Variants in RSF1 observed in about 807,000 individuals in gnomAD.
The protein encoded by RSF1 is HBV pX-associated protein 8.
RSF1 carries 13 observed loss-of-function variants against 145.2 expected under a neutral mutation model. The ratio of observed to expected loss-of-function variants is 0.09; its 90% CI spans 0.06 to 0.14. The LOEUF is 0.14. RSF1 is among the 10% of genes least tolerant of loss of function. The probability of loss-of-function intolerance (pLI) is 1.00; values close to 1 mark genes in which losing one functional copy is unlikely to be tolerated. For missense variants in RSF1, 1,517 were observed against 1,718.2 expected (o/e 0.88, Z 2.07); for synonymous variants, 577 against 592.6 (o/e 0.97, Z 0.38).
chr11:77,775,806 T>C (rs1230676587), intron 1 of RSF1, among the ~76,000 whole-genome samples: 1 of 152,134 alleles, frequency 6.6e-6, no homozygotes, highest in African/African-American at 2.4e-5. Context: ...TCTTGCTCTG[T>C]TGTCTAGGCT....
the RSF1 span, among the ~76,000 whole-genome samples, chr11:77,826,870 C>T: frequency 1.1e-4 from 16 of 152,104 alleles, no homozygotes; most frequent in Non-Finnish European, 1.5e-5. Context: ...TTTGAGAGGC[C>T]GAGGTGGGCA....
intron 6 of RSF1, among the ~76,000 whole-genome samples, chr11:77,699,941 C>T (rs985701837): frequency 3.3e-5 from 5 of 152,086 alleles, no homozygotes; most frequent in Non-Finnish European, 7.4e-5. Context: ...ACTATATCTA[C>T]GGACATGAAG....
At chr11:77,787,887 T>C (rs60738557) in intron 1 of RSF1, among the ~76,000 whole-genome samples, 3,800 of 147,830 alleles carry the variant, frequency 0.026, 146 homozygotes, top group African/African-American at 0.09. Context: ...CCCAGCACTA[T>C]GGGAGGCCTA....
At chr11:77,749,614 G>C (rs968964950) in intron 2 of RSF1, among the ~76,000 whole-genome samples, 2 of 152,052 alleles carry the variant, frequency 1.3e-5, no homozygotes, top group Admixed American at 6.6e-5. Flanking sequence ...GTGTAAAAGG[G>C]GAGGATAAAA....
intron 4 of RSF1, among the ~76,000 whole-genome samples, chr11:77,728,193 C>A (rs1343769613): frequency 6.6e-6 from 1 of 152,196 alleles, no homozygotes; most frequent in Non-Finnish European, 1.5e-5. Flanking sequence ...TGACTGACTG[C>A]ACTTCTGCTC....
rs193031567 is a variant in RSF1 at position 77,673,516 on chromosome 11, G to C, written c.3563-1286C>G. Among the ~76,000 whole-genome samples the C allele has an allele frequency of 2.2e-3, 337 of 152,302 alleles. 2 individuals are homozygous for C. Among genetic ancestry groups the C allele is most frequent in the African/African-American group, 7.9e-3 (329 of 41,572 alleles). Reference sequence around the variant, plus strand: ...GAGCCTAAATAGTGATGGGAATGTAGTATATCCACTGATCAGAATAAGAAT... The same window carrying C: ...GAGCCTAAATAGTGATGGGAATGTACTATATCCACTGATCAGAATAAGAAT... On this transcript the variant is annotated intron_variant, in intron 14 of 15. Coordinates refer to ENST00000308488, the MANE Select transcript of RSF1 (RefSeq NM_016578.4).
intron 1 of RSF1, among the ~76,000 whole-genome samples, chr11:77,778,583 G>A (rs546428537): frequency 2.4e-4 from 37 of 152,248 alleles, no homozygotes; most frequent in African/African-American, 7.9e-4. Flanking sequence ...TTGCACTCAA[G>A]TGATCTTCCT....
chr11:77,744,015 CTTTA>C (rs996270933), intron 3 of RSF1, among the ~76,000 whole-genome samples: 2 of 151,990 alleles, frequency 1.3e-5, no homozygotes, highest in Admixed American at 6.6e-5. Context: ...AGCATCACAA[CTTTA>C]TTTAGTTAAT....
At chr11:77,795,356 T>C (rs953492612) in intron 1 of RSF1, among the ~76,000 whole-genome samples, 1 of 151,986 alleles carries the variant, frequency 6.6e-6, no homozygotes, top group Non-Finnish European at 1.5e-5. Context: ...TGAAATCACA[T>C]GAAACAAACA....
chr11:77,784,293 A>G (rs1322739899), intron 1 of RSF1, among the ~76,000 whole-genome samples: 1 of 152,212 alleles, frequency 6.6e-6, no homozygotes, highest in Non-Finnish European at 1.5e-5. Context: ...AATGCCTTTC[A>G]GTAATTTATT....
At chr11:77,744,468 A>G (rs1448395471) in intron 3 of RSF1, among the ~76,000 whole-genome samples, 2 of 152,098 alleles carry the variant, frequency 1.3e-5, no homozygotes, top group African/African-American at 4.8e-5. Context: ...CCAGCTAGCT[A>G]GCTTTTTAAA....
chr11:77,800,785 C>A (rs1404486857), intron 1 of RSF1, among the ~76,000 whole-genome samples: 1 of 152,282 alleles, frequency 6.6e-6, no homozygotes, highest in African/African-American at 2.4e-5. Context: ...CAGCTTGAGC[C>A]CAAGACTTCA....
chr11:77,678,086 C>G lies in RSF1; in HGVS notation c.3133G>C (p.Gly1045Arg). Residue 1045 changes from glycine (G) to arginine (R), a missense_variant and splice_region_variant, in exon 12 of 16, where the codon GGA becomes CGA. By Grantham distance (125) the Gly-to-Arg change is moderately radical. Around this residue, in one of 12 missense-constraint regions of RSF1, gnomAD observed 231 missense variants for 276.6 expected, o/e 0.84. Transcript: ENST00000308488. ...AGAAGAGAGAACGACAAACACATAC[C>G]TCCTCCATCGGCTTCTTTGATGTCA... ...EDDIKEADGG[G>R]VGRGKDISTI... The G allele has an allele frequency of 6.2e-7, 1 of 1,611,042 alleles. No individual in the cohort carries two copies. Among genetic ancestry groups the G allele is most frequent in the Non-Finnish European group, 8.5e-7 (1 of 1,177,694 alleles).
chr11:77,694,072 C>T (rs891966077), intron 7 of RSF1, among the ~76,000 whole-genome samples: 3 of 152,090 alleles, frequency 2.0e-5, no homozygotes, highest in South Asian at 4.2e-4. Context: ...CGTGAGCCAC[C>T]GCGCCCAGCC....
intron 1 of RSF1, among the ~76,000 whole-genome samples, chr11:77,811,631 C>T (rs59191974): frequency 0.18 from 26,890 of 151,818 alleles, 2,963 homozygotes; most frequent in African/African-American, 0.29. Context: ...GGCAGGAGGA[C>T]GAAGAAAAAG....
the RSF1 span, among the ~76,000 whole-genome samples, chr11:77,852,956 G>GAAAAT: frequency 2.0e-5 from 3 of 151,996 alleles, no homozygotes; most frequent in African/African-American, 7.2e-5. Context: ...ATGGGTACTC[G>GAAAAT]ATTGCTTTCA....
the RSF1 span, chr11:77,850,684 A>G: frequency 6.6e-6 from 1 of 152,182 alleles, no homozygotes; most frequent in African/African-American, 2.4e-5. Flanking sequence ...TGAATAATAT[A>G]ATACATTTCC....
intron 6 of RSF1, among the ~76,000 whole-genome samples, chr11:77,699,199 A>G (rs527289649): frequency 6.6e-6 from 1 of 152,194 alleles, no homozygotes; most frequent in South Asian, 2.1e-4. Context: ...TCATGTAAAA[A>G]TTTAAAATCC....
At chr11:77,868,245 C>T in the RSF1 span, among the ~76,000 whole-genome samples, 7 of 150,458 alleles carry the variant, frequency 4.7e-5, no homozygotes, top group South Asian at 2.1e-4. Context: ...TTAGTGGAGA[C>T]GGGGTTTCAC....
Sources: allele counts gnomAD v4.1 joint callset (sites outside exome capture counted in the v4.1 genomes callset), GRCh38; gene constraint gnomAD v4.1.1; regional missense constraint gnomAD v4.1.1; transcripts MANE v1.5; gene names NCBI Gene and HGNC (gene_info 2026-07-23, HGNC 2026-07-21).